Variants in RORA observed in about 807,000 individuals in gnomAD.
RORA encodes nuclear receptor ROR-alpha.
Under a neutral mutation model 69.5 loss-of-function variants are expected in RORA, and 7 were observed. That is an observed-to-expected ratio of 0.10 (90% CI 0.06 to 0.19). RORA has a LOEUF of 0.19. RORA is among the 10% of genes least tolerant of loss of function. The probability of loss-of-function intolerance (pLI) is 1.00; values close to 1 mark genes in which losing one functional copy is unlikely to be tolerated. For missense variants in RORA, 457 were observed against 663.0 expected (o/e 0.69, Z 3.41); for synonymous variants, 261 against 240.8 (o/e 1.08, Z -0.78).
chr15:60,581,037 C>T (rs2068177325), intron 2 of RORA, among the ~76,000 whole-genome samples: 1 of 152,226 alleles, frequency 6.6e-6, no homozygotes, highest in Admixed American at 6.5e-5. Flanking sequence ...TGTAAACACC[C>T]TGAGGCATCT....
intron 1 of RORA, among the ~76,000 whole-genome samples, chr15:60,744,976 T>G (rs1316755075): frequency 2.6e-5 from 4 of 152,222 alleles, no homozygotes; most frequent in Non-Finnish European, 5.9e-5. Flanking sequence ...AGGATTCTCT[T>G]GAATCCAGCC....
intron 1 of RORA, among the ~76,000 whole-genome samples, chr15:61,069,541 T>G (rs900584130): frequency 6.6e-6 from 1 of 152,134 alleles, no homozygotes; most frequent in Non-Finnish European, 1.5e-5. Flanking sequence ...TGTTCAGCTG[T>G]GTCAACATTC....
chr15:61,155,356 G>A (rs1309448689), intron 1 of RORA, among the ~76,000 whole-genome samples: 1 of 152,054 alleles, frequency 6.6e-6, no homozygotes, highest in African/African-American at 2.4e-5. Context: ...ATTTTCTATA[G>A]CTAAAGAAAA....
chr15:60,813,932 C>T (rs1189546348), intron 1 of RORA, among the ~76,000 whole-genome samples: 2 of 152,106 alleles, frequency 1.3e-5, no homozygotes, highest in Non-Finnish European at 2.9e-5. Context: ...GTCGGATACT[C>T]AGTCCTGCTT....
chr15:61,050,914 C>G (rs1897262747), intron 1 of RORA, among the ~76,000 whole-genome samples: 1 of 152,146 alleles, frequency 6.6e-6, no homozygotes, highest in Non-Finnish European at 1.5e-5. Flanking sequence ...GAACAAGAGC[C>G]AAAACAAGTC....
At chr15:61,004,080 G>A (rs528223641) in intron 1 of RORA, among the ~76,000 whole-genome samples, 3 of 152,078 alleles carry the variant, frequency 2.0e-5, no homozygotes, top group Non-Finnish European at 2.9e-5. Flanking sequence ...TCTGTCACAC[G>A]GTTCAGATCC....
intron 1 of RORA, among the ~76,000 whole-genome samples, chr15:61,035,068 T>C (rs1196135004): frequency 3.3e-5 from 5 of 152,216 alleles, no homozygotes; most frequent in South Asian, 4.1e-4. Flanking sequence ...TTAATTAGCA[T>C]TGTAGACTTT....
At chr15:60,963,481 C>A (rs1893469231) in intron 1 of RORA, among the ~76,000 whole-genome samples, 1 of 152,080 alleles carries the variant, frequency 6.6e-6, no homozygotes, top group Non-Finnish European at 1.5e-5. Flanking sequence ...TTCTCTTGGG[C>A]CTAGAGCAAT....
intron 1 of RORA, among the ~76,000 whole-genome samples, chr15:60,923,407 C>T (rs1357108673): frequency 1.3e-5 from 2 of 152,260 alleles, no homozygotes; most frequent in East Asian, 3.9e-4. Context: ...AGTGGGCCCT[C>T]AAACAAATGT....
chr15:60,989,071 G>T (rs532125949), intron 1 of RORA, among the ~76,000 whole-genome samples: 1 of 152,154 alleles, frequency 6.6e-6, no homozygotes, highest in African/African-American at 2.4e-5. Flanking sequence ...TCAGGTGAAA[G>T]GTCCATCAGA....
intron 1 of RORA, among the ~76,000 whole-genome samples, chr15:61,057,670 T>C (rs901888086): frequency 6.6e-6 from 1 of 152,224 alleles, no homozygotes; most frequent in African/African-American, 2.4e-5. Context: ...TTTGTCTCTT[T>C]CGTTTCTCCT....
At chr15:60,933,779 C>CTTTTTATT (rs1892440022) in intron 1 of RORA, among the ~76,000 whole-genome samples, 1 of 152,164 alleles carries the variant, frequency 6.6e-6, no homozygotes, top group South Asian at 2.1e-4. Context: ...GAGGTGGCTG[C>CTTTTTATT]ACATCAGTAA....
intron 1 of RORA, among the ~76,000 whole-genome samples, chr15:61,159,347 TGA>T (rs1431851947): frequency 6.6e-6 from 1 of 152,210 alleles, no homozygotes; most frequent in Non-Finnish European, 1.5e-5. Flanking sequence ...TCATTTAACC[TGA>T]GAGATAAAAT....
chr15:60,616,945 C>T (rs533319154), intron 2 of RORA, among the ~76,000 whole-genome samples: 29 of 152,276 alleles, frequency 1.9e-4, no homozygotes, highest in African/African-American at 5.5e-4. Context: ...ACTTGATGTA[C>T]ATGCTTTTAC....
intron 1 of RORA, among the ~76,000 whole-genome samples, chr15:61,069,036 T>C (rs1260277123): frequency 6.6e-6 from 1 of 152,200 alleles, no homozygotes; most frequent in Admixed American, 6.5e-5. Context: ...AATACTGACA[T>C]CTGAATCTCT....
At chr15:60,778,223 T>TTTTG (rs138545305) in intron 1 of RORA, among the ~76,000 whole-genome samples, 25 of 116,748 alleles carry the variant, frequency 2.1e-4, no homozygotes, top group South Asian at 1.1e-3. Flanking sequence ...AGGTTTTTGT[T>TTTTG]TTTGTTTGTT....
chr15:60,629,927 C>G (rs765987991), intron 2 of RORA, among the ~76,000 whole-genome samples: 2 of 152,170 alleles, frequency 1.3e-5, no homozygotes, highest in African/African-American at 2.4e-5. Flanking sequence ...TGTTGGCAGG[C>G]AAGGGTGGAA....
At position 60,504,168 on chromosome 15, in the gene RORA, G is replaced by A. The variant is rs147416414; in HGVS notation, c.943-501C>T. Among the ~76,000 whole-genome samples, 10 of 152,288 alleles carry A rather than the reference G, an allele frequency of 6.6e-5. 1 individual carries two copies. The highest frequency in any genetic ancestry group is 2.4e-4 in the African/African-American group (10 of 41,556). On this transcript the variant is annotated intron_variant, in intron 6 of 10. Coordinates refer to ENST00000335670, the MANE Select transcript of RORA (RefSeq NM_134261.3). ...CACCACTTTACTTTGGGGGAAGGGA[G>A]AAAAGGAGAATCAACTGAATTTATT...
chr15:60,744,741 G>A (rs754350678), intron 1 of RORA, among the ~76,000 whole-genome samples: 1 of 152,186 alleles, frequency 6.6e-6, no homozygotes, highest in Non-Finnish European at 1.5e-5. Flanking sequence ...TACTGTCCTG[G>A]TGATAACAAT....
Sources: gnomAD v4.1 joint callset for allele counts (sites outside exome capture counted in the v4.1 genomes callset) on GRCh38, gnomAD v4.1.1 for gene constraint, MANE v1.5 for transcripts, NCBI Gene and HGNC (gene_info 2026-07-23, HGNC 2026-07-21) for gene names.